NAPEPLD: variants seen among roughly 807,000 people sequenced by gnomAD.
NAPEPLD encodes the protein N-acyl-phosphatidylethanolamine-hydrolyzing phospholipase D.
NAPEPLD carries 23 observed loss-of-function variants against 38.1 expected under a neutral mutation model. The observed-to-expected ratio is 0.60, with a 90% CI of 0.43 to 0.86. The LOEUF (loss-of-function observed/expected upper bound fraction) is 0.86. NAPEPLD is among the 40% of genes least tolerant of loss of function. The pLI, the probability that NAPEPLD is intolerant of heterozygous loss-of-function variation, is 0.00. For synonymous variants in NAPEPLD, 147 were observed against 162.0 expected, an observed-to-expected ratio of 0.91 and a Z score of 0.71; for missense variants, 411 against 476.8, an observed-to-expected ratio of 0.86 and a Z score of 1.28.
chr7:103,134,759 T>G (rs1809690387), intron 1 of NAPEPLD, among the ~76,000 whole-genome samples: 1 of 152,216 alleles, frequency 6.6e-6, no homozygotes, highest in Non-Finnish European at 1.5e-5. Context: ...CTACATTTTT[T>G]GAAGATTAAT....
chr7:103,147,544 T>C (rs1366440881), intron 1 of NAPEPLD, among the ~76,000 whole-genome samples: 1 of 152,176 alleles, frequency 6.6e-6, no homozygotes, highest in East Asian at 1.9e-4. Flanking sequence ...ACAGACTAAA[T>C]GTTCATAAAA....
At chr7:103,106,707 C>T (rs1285190640) in intron 4 of NAPEPLD, among the ~76,000 whole-genome samples, 1 of 131,958 alleles carries the variant, frequency 7.6e-6, no homozygotes, top group Non-Finnish European at 1.7e-5. Flanking sequence ...CTAGACTTCT[C>T]CTCTCTGGGC....
At position 103,119,972 on chromosome 7, in the gene NAPEPLD, A is replaced by ATC. The variant is rs776015556; in HGVS notation, c.545_546insGA (p.His185ValfsTer16). 1.2e-6 allele frequency: 2 copies of ATC among 1,614,220 alleles called. No homozygotes were observed. Among genetic ancestry groups the ATC allele is most frequent in the Non-Finnish European group, 1.7e-6 (2 of 1,180,046 alleles). On this transcript the variant is annotated frameshift_variant, in exon 3 of 5. Coordinates refer to ENST00000465647, the MANE Select transcript of NAPEPLD (RefSeq NM_001122838.3). LOFTEE classifies it high-confidence loss of function. Reference sequence around the variant, plus strand: ...GATGGTCATAGTGGTTGTGACTGATAAGGACCGCATCTATTGGAGGGAGTT... The same window carrying ATC: ...GATGGTCATAGTGGTTGTGACTGATATCAGGACCGCATCTATTGGAGGGAGTT...
At chr7:103,147,679 A>G (rs1036907597) in intron 1 of NAPEPLD, among the ~76,000 whole-genome samples, 7 of 152,210 alleles carry the variant, frequency 4.6e-5, no homozygotes, top group African/African-American at 1.4e-4. Flanking sequence ...TTATGCTAAA[A>G]TGTTCTTCAT....
At position 103,122,764 on chromosome 7, in the gene NAPEPLD, G is replaced by A. The variant is rs566972150; in HGVS notation, c.295-2541C>T. ...GTTACCAATCTTTTGCATTTCCGTG[G>A]AGCTACTAACCTAGTTAAGATGCTA... On this transcript the variant is annotated intron_variant, in intron 2 of 4. Coordinates refer to ENST00000465647, the MANE Select transcript of NAPEPLD (RefSeq NM_001122838.3). Among the ~76,000 whole-genome samples the A allele has an allele frequency of 3.3e-5, 5 of 152,276 alleles. No individual in the cohort carries two copies. The South Asian group carries it at 1.0e-3, about 32-fold the overall frequency.
chr7:103,104,212 A>C (rs1802850098), intron 4 of NAPEPLD, among the ~76,000 whole-genome samples: 1 of 152,210 alleles, frequency 6.6e-6, no homozygotes, highest in Admixed American at 6.5e-5. Flanking sequence ...CTTTAGTTCT[A>C]GGTACCTAAT....
intron 3 of NAPEPLD, 40 bp from the exon 4 acceptor site, chr7:103,115,214 A>G (rs545155481): frequency 1.4e-6 from 2 of 1,408,044 alleles, no homozygotes; most frequent in African/African-American, 1.4e-5. Flanking sequence ...GACCTTTGAG[A>G]TATACACTAA....
At chr7:103,149,413 CCGCCGCGCTGGCTCCGCCGAGGA>C (rs1224496971), upstream of NAPEPLD, 8 of 1,231,376 alleles carry the variant, frequency 6.5e-6, no homozygotes, top group Middle Eastern at 9.2e-4. Flanking sequence ...TAACCCGAGC[CCGCCGCGCTGGCTCCGCCGAGGA>C]CGCCAGCAGC....
intron 2 of NAPEPLD, chr7:103,127,761 A>C (rs1434554650): frequency 6.6e-6 from 1 of 152,230 alleles, no homozygotes; most frequent in Non-Finnish European, 1.5e-5. Context: ...AGGGAGAGGT[A>C]TATAAGGAAA....
intron 3 of NAPEPLD, among the ~76,000 whole-genome samples, chr7:103,117,829 T>TA (rs1805863931): frequency 6.6e-6 from 1 of 152,206 alleles, no homozygotes; most frequent in African/African-American, 2.4e-5. Context: ...GACAAATTTA[T>TA]ATATTACTAC....
chr7:103,115,535 T>G (rs954119573), intron 3 of NAPEPLD, among the ~76,000 whole-genome samples: 3 of 152,240 alleles, frequency 2.0e-5, no homozygotes, highest in Non-Finnish European at 4.4e-5. Context: ...TAGTGAGATT[T>G]TTGTTTCACG....
chr7:103,138,009 G>A (rs1262904787), intron 1 of NAPEPLD, among the ~76,000 whole-genome samples: 2 of 147,592 alleles, frequency 1.4e-5, no homozygotes, highest in African/African-American at 2.5e-5. Flanking sequence ...ACGGAGTCGC[G>A]TTCTGTTACC....
intron 1 of NAPEPLD, among the ~76,000 whole-genome samples, chr7:103,134,208 A>G (rs1809561134): frequency 6.6e-6 from 1 of 152,210 alleles, no homozygotes; most frequent in Non-Finnish European, 1.5e-5. Flanking sequence ...TATAATCAGA[A>G]GCATAATTAA....
chr7:103,103,591 A>T (rs1802716289), intron 4 of NAPEPLD, 37 bp from the exon 5 acceptor site: 1 of 1,558,776 alleles, frequency 6.4e-7, no homozygotes, highest in African/African-American at 1.4e-5. Context: ...GAAAAAGATT[A>T]AACATATATT....
intron 1 of NAPEPLD, among the ~76,000 whole-genome samples, chr7:103,136,660 G>A (rs1167684549): frequency 6.6e-6 from 1 of 150,908 alleles, no homozygotes; most frequent in Non-Finnish European, 1.5e-5. Context: ...ATCCAACTGA[G>A]TTGTTTTTCA....
intron 1 of NAPEPLD, among the ~76,000 whole-genome samples, chr7:103,135,765 A>G (rs1809914035): frequency 6.6e-6 from 1 of 152,010 alleles, no homozygotes; most frequent in African/African-American, 2.4e-5. Flanking sequence ...ATATATCACC[A>G]AACAATTTAT....
At chr7:103,123,314 C>G (rs1165810517) in intron 2 of NAPEPLD, among the ~76,000 whole-genome samples, 1 of 152,160 alleles carries the variant, frequency 6.6e-6, no homozygotes, top group Non-Finnish European at 1.5e-5. Flanking sequence ...TGAAACACAG[C>G]ATGTGCTCAA....
chr7:103,123,981 A>G (rs895283962), intron 2 of NAPEPLD, among the ~76,000 whole-genome samples: 1 of 152,150 alleles, frequency 6.6e-6, no homozygotes, highest in African/African-American at 2.4e-5. Context: ...AAATATGTGA[A>G]GCCTATATCA....
intron 2 of NAPEPLD, among the ~76,000 whole-genome samples, chr7:103,121,417 G>C (rs1806674152): frequency 2.6e-5 from 4 of 152,128 alleles, no homozygotes; most frequent in Admixed American, 2.6e-4. Context: ...CACCATGTAT[G>C]TGTTCAGGCT....
Sources: gnomAD v4.1 joint callset for allele counts (sites outside exome capture counted in the v4.1 genomes callset) on GRCh38, gnomAD v4.1.1 for gene constraint, MANE v1.5 for transcripts, NCBI Gene and HGNC (gene_info 2026-07-23, HGNC 2026-07-21) for gene names.